ZNF883: variants seen among roughly 807,000 people sequenced by gnomAD.
ZNF883 encodes zinc finger protein 883.
exon 1 of ZNF883, chr9:112,997,952 TCA>T: frequency 1.9e-6 from 3 of 1,613,824 alleles, no homozygotes; most frequent in Non-Finnish European, 2.5e-6. Flanking sequence ...AAAGGTTTTT[TCA>T]CATTCATTAC....
downstream of ZNF883, among the ~76,000 whole-genome samples, chr9:112,993,696 C>G (rs1040512172): frequency 1.3e-5 from 2 of 152,242 alleles, no homozygotes; most frequent in African/African-American, 4.8e-5. Flanking sequence ...CACCCCTCCC[C>G]ACAAGAGCTC....
intron 1 of ZNF883, among the ~76,000 whole-genome samples, chr9:112,989,724 T>G (rs1247225983): frequency 6.6e-6 from 1 of 152,244 alleles, no homozygotes; most frequent in Non-Finnish European, 1.5e-5. Flanking sequence ...ATGGCCATTT[T>G]CACGATATTG....
upstream of ZNF883, among the ~76,000 whole-genome samples, chr9:113,002,400 CAG>C (rs71863523): frequency 0.24 from 36,970 of 151,830 alleles, 5,102 homozygotes; most frequent in East Asian, 0.38. Context: ...TGAATGAGAT[CAG>C]AGAGTAGAAA....
chr9:112,995,184 T>C (rs925642957), downstream of ZNF883, among the ~76,000 whole-genome samples: 1 of 152,140 alleles, frequency 6.6e-6, no homozygotes, highest in South Asian at 2.1e-4. Flanking sequence ...TCCAATCCAT[T>C]GTAGGCCCAA....
At chr9:112,995,752 C>T (rs1443702602), downstream of ZNF883, among the ~76,000 whole-genome samples, 1 of 152,096 alleles carries the variant, frequency 6.6e-6, no homozygotes, top group East Asian at 1.9e-4. Flanking sequence ...TTGAAATAGT[C>T]TAGAAGTTCT....
At chr9:113,006,260 C>T (rs1345314280) in intron 2 of ZNF883, among the ~76,000 whole-genome samples, 1 of 152,066 alleles carries the variant, frequency 6.6e-6, no homozygotes, top group Non-Finnish European at 1.5e-5. Context: ...CCAAAGTTAC[C>T]CTGTATGGTT....
At chr9:113,006,961 T>C (rs1828484162) in intron 2 of ZNF883, among the ~76,000 whole-genome samples, 1 of 152,068 alleles carries the variant, frequency 6.6e-6, no homozygotes, top group Non-Finnish European at 1.5e-5. Context: ...TTTGGGAAGC[T>C]GAGGCAGGCA....
chr9:112,988,410 T>G (rs1828272754), intron 1 of ZNF883, among the ~76,000 whole-genome samples: 2 of 152,318 alleles, frequency 1.3e-5, no homozygotes, highest in South Asian at 4.1e-4. Context: ...TAGTTTTCTG[T>G]TCCTGTGTTA....
At position 112,997,628 on chromosome 9, in the gene ZNF883, C is replaced by CA. The variant is rs1207552356; in HGVS notation, n.631dup. ...GCTGAAAGCTTTCCCACATTCATTA[C>CA]ATTCATATGGTTTCTCTCCTGTGTG... On this transcript the variant is annotated non_coding_transcript_exon_variant, in exon 1 of 1. Transcript: ENST00000639662. The CA allele has an allele frequency of 3.7e-6, 6 of 1,613,706 alleles. No individual in the cohort carries two copies. In the Admixed American group the frequency reaches 6.7e-5, roughly 18 times the overall value.
chr9:112,998,595 G>C (rs1186791608), upstream of ZNF883: 3 of 175,638 alleles, frequency 1.7e-5, no homozygotes, highest in East Asian at 4.6e-4. Context: ...CTTTTAAATG[G>C]TGTGGTTTTC....
downstream of ZNF883, among the ~76,000 whole-genome samples, chr9:112,995,408 T>A (rs1587893349): frequency 6.6e-6 from 1 of 152,072 alleles, no homozygotes; most frequent in East Asian, 1.9e-4. Context: ...CTTCTTATCA[T>A]CCATTAATGT....
At chr9:112,996,789 TCAA>T (rs1828359484), downstream of ZNF883, among the ~76,000 whole-genome samples, 1 of 28,292 alleles carries the variant, frequency 3.5e-5, no homozygotes, top group African/African-American at 1.5e-4. Flanking sequence ...AGACTCCGTC[TCAA>T]AAAAAAAAAA....
chr9:112,998,290 A>AT (rs778635882), upstream of ZNF883: 1 of 1,438,440 alleles, frequency 7.0e-7, no homozygotes, highest in African/African-American at 1.4e-5. Context: ...ACATTTATTT[A>AT]TTTTTTCATT....
chr9:112,996,791 A>G (rs1828360119), downstream of ZNF883, among the ~76,000 whole-genome samples: 1 of 15,380 alleles, frequency 6.5e-5, no homozygotes. Flanking sequence ...ACTCCGTCTC[A>G]AAAAAAAAAA....
intron 1 of ZNF883, among the ~76,000 whole-genome samples, chr9:112,988,291 C>G (rs1828271937): frequency 6.6e-6 from 1 of 152,000 alleles, no homozygotes; most frequent in South Asian, 2.1e-4. Context: ...GATCCTGATC[C>G]TCTCCTCCTG....
chr9:113,002,948 C>T (rs914294833), upstream of ZNF883, among the ~76,000 whole-genome samples: 1 of 152,180 alleles, frequency 6.6e-6, no homozygotes, highest in African/African-American at 2.4e-5. Flanking sequence ...ATAGACTGAG[C>T]CTTCACTAGA....
chr9:112,998,271 T>G (rs751392732), upstream of ZNF883: 1 of 1,496,330 alleles, frequency 6.7e-7, no homozygotes, highest in East Asian at 2.3e-5. Context: ...AGTACTGAAC[T>G]ATGGCTTTAC....
At chr9:112,994,953 C>T (rs570472103), downstream of ZNF883, among the ~76,000 whole-genome samples, 6 of 152,060 alleles carry the variant, frequency 3.9e-5, no homozygotes, top group South Asian at 6.2e-4. Context: ...ATTCCTGTTT[C>T]GGTAAGAATG....
chr9:113,008,011 G>T (rs770466841), intron 2 of ZNF883, among the ~76,000 whole-genome samples: 3 of 152,104 alleles, frequency 2.0e-5, no homozygotes, highest in Non-Finnish European at 4.4e-5. Flanking sequence ...ACAGCATTTT[G>T]TACAAAGATT....
Sources: gnomAD v4.1 joint callset for allele counts (sites outside exome capture counted in the v4.1 genomes callset) on GRCh38, gnomAD v4.1.1 for gene constraint, MANE v1.5 for transcripts, NCBI Gene and HGNC (gene_info 2026-07-23, HGNC 2026-07-21) for gene names.